EIF2AK3: variants seen among roughly 807,000 people sequenced by gnomAD.
EIF2AK3 encodes the protein eukaryotic translation initiation factor 2 alpha kinase 3.
A neutral mutation model predicts 113.5 loss-of-function variants in EIF2AK3; 50 were observed. The ratio of observed to expected loss-of-function variants is 0.44; its 90% CI spans 0.35 to 0.56. The LOEUF (loss-of-function observed/expected upper bound fraction) is 0.56. Among genes scored for constraint, EIF2AK3 ranks in the 20% least tolerant of loss-of-function variants. The pLI is 0.00. For missense variants in EIF2AK3, 1,185 were observed against 1,378.0 expected (o/e 0.86, Z 2.22); for synonymous variants, 448 against 495.4 (o/e 0.90, Z 1.27).
chr2:88,566,586 G>T (rs974853854), intron 14 of EIF2AK3, among the ~76,000 whole-genome samples: 3 of 152,086 alleles, frequency 2.0e-5, no homozygotes, highest in African/African-American at 7.2e-5. Context: ...GTAAACGTGT[G>T]CCATGGTGGT....
At chr2:88,617,222 C>G (rs1316730360) in intron 1 of EIF2AK3, among the ~76,000 whole-genome samples, 1 of 152,088 alleles carries the variant, frequency 6.6e-6, no homozygotes, top group Non-Finnish European at 1.5e-5. Flanking sequence ...TTCACAAGAG[C>G]AAAGACACGG....
chr2:88,604,271 G>A (rs1006535137), intron 2 of EIF2AK3, among the ~76,000 whole-genome samples: 1 of 152,024 alleles, frequency 6.6e-6, no homozygotes, highest in East Asian at 1.9e-4. Context: ...GGCTCATTTC[G>A]GCTGCTCTCT....
In EIF2AK3 at chr2:88,610,113, C is replaced by A. The variant is rs534116833; in HGVS notation, c.438+3611G>T. ...CTCCAGCCTGGGCAACAGAGTGAGA[C>A]CCTGTCTCTAAAAGACAAAAAACAA... On this transcript the variant is annotated intron_variant, in intron 2 of 16. Coordinates refer to ENST00000303236, the MANE Select transcript of EIF2AK3 (RefSeq NM_004836.7). Among the ~76,000 whole-genome samples the A allele has an allele frequency of 3.2e-4, 48 of 152,224 alleles. 1 individual carries two copies. The highest frequency in any genetic ancestry group is 1.2e-3 in the African/African-American group (48 of 41,534).
At chr2:88,575,497 A>C (rs754216989) in intron 12 of EIF2AK3, 51 bp from the exon 13 acceptor site, 3 of 1,587,402 alleles carry the variant, frequency 1.9e-6, no homozygotes, top group Non-Finnish European at 1.7e-6. Context: ...TATTGATTCA[A>C]GTACCTGAAC....
At chr2:88,589,238 C>T (rs563587864) in intron 6 of EIF2AK3, among the ~76,000 whole-genome samples, 41 of 152,258 alleles carry the variant, frequency 2.7e-4, no homozygotes, top group African/African-American at 9.4e-4. Flanking sequence ...AGAAAGTTTA[C>T]CTAAACACCT....
chr2:88,613,643 A>C, intron 2 of EIF2AK3, 81 bp downstream of exon 2: 144 of 1,416,574 alleles, frequency 1.0e-4, no homozygotes, highest in Non-Finnish European at 1.3e-4. Context: ...AACCTGGGCA[A>C]TAGGGCCCCA....
At chr2:88,619,084 G>A (rs1283804751) in intron 1 of EIF2AK3, among the ~76,000 whole-genome samples, 1 of 151,482 alleles carries the variant, frequency 6.6e-6, no homozygotes, top group African/African-American at 2.4e-5. Flanking sequence ...CCGCCTCCCA[G>A]GTTCAAGCGA....
chr2:88,615,704 C>A (rs1675550395), intron 1 of EIF2AK3, among the ~76,000 whole-genome samples: 2 of 152,208 alleles, frequency 1.3e-5, no homozygotes, highest in South Asian at 4.1e-4. Flanking sequence ...AACTTAAAAA[C>A]CAAACCAGAT....
In EIF2AK3 at chr2:88,557,396, T is replaced by C. The variant is rs1376568962; in HGVS notation, c.*340A>G. 3.8e-6 allele frequency: 1 copy of C among 260,376 alleles called. No homozygotes were observed. The highest frequency in any genetic ancestry group is 7.5e-6 in the Non-Finnish European group (1 of 133,174). The allele number at this position is 260,376 out of a possible 1,614,324, so 16.1% of individuals were successfully genotyped here. Reference sequence around the variant, plus strand: ...CAGGGGGACTTTCCTTCTTCTGCATTATAAAAATATATCCATTTTAGTTCT... The same window carrying C: ...CAGGGGGACTTTCCTTCTTCTGCATCATAAAAATATATCCATTTTAGTTCT... On this transcript the variant is annotated 3_prime_UTR_variant, in exon 17 of 17. Transcript: ENST00000303236.
At chr2:88,567,913 G>T (rs1173484381) in intron 14 of EIF2AK3, among the ~76,000 whole-genome samples, 1 of 151,256 alleles carries the variant, frequency 6.6e-6, no homozygotes, top group Non-Finnish European at 1.5e-5. Flanking sequence ...TCTGCATTTT[G>T]TTTTTTTTCA....
chr2:88,561,855 C>T (rs985061414), intron 15 of EIF2AK3, among the ~76,000 whole-genome samples: 1 of 151,756 alleles, frequency 6.6e-6, no homozygotes, highest in Non-Finnish European at 1.5e-5. Flanking sequence ...CAAGACCTTG[C>T]CTTGAGAAAA....
chr2:88,571,018 C>T lies in EIF2AK3; in HGVS notation c.2841G>A (p.Met947Ile), dbSNP rs577767738. The T allele has an allele frequency of 4.3e-6, 7 of 1,614,108 alleles. No individual in the cohort carries two copies. In the South Asian group the frequency reaches 5.5e-5, roughly 13 times the overall value. ...DLKPSNIFFTMDDVVKVGDFG... is the reference protein window; with the variant it reads ...DLKPSNIFFTIDDVVKVGDFG... ...AGTCTCCAACCTTGACCACATCATC[C>T]ATTGTAAAGAATATGTTGGATGGCT... Residue 947 changes from methionine (M) to isoleucine (I), a missense_variant, in exon 14 of 17, where the codon ATG becomes ATA. By Grantham distance (10) the Met-to-Ile change is conservative. Transcript: ENST00000303236.
intron 2 of EIF2AK3, among the ~76,000 whole-genome samples, chr2:88,604,575 C>T (rs1447264051): frequency 1.3e-5 from 2 of 152,174 alleles, no homozygotes; most frequent in Non-Finnish European, 2.9e-5. Flanking sequence ...TTCATATTTG[C>T]CTCCCTAGCT....
chr2:88,565,239 A>G (rs1483663255), intron 14 of EIF2AK3, among the ~76,000 whole-genome samples: 2 of 151,404 alleles, frequency 1.3e-5, no homozygotes, highest in Non-Finnish European at 2.9e-5. Context: ...TTTCACCATG[A>G]TGGCCAGGCT....
intron 1 of EIF2AK3, among the ~76,000 whole-genome samples, chr2:88,620,217 A>G (rs1675688001): frequency 6.6e-6 from 1 of 151,982 alleles, no homozygotes; most frequent in Admixed American, 6.6e-5. Flanking sequence ...GTTTCGGTGT[A>G]CTTTCCTAAT....
chr2:88,590,357 G>A (rs1674850828), intron 6 of EIF2AK3, 86 bp downstream of exon 6: 2 of 1,380,778 alleles, frequency 1.4e-6, no homozygotes, highest in Non-Finnish European at 2.1e-6. Flanking sequence ...AACTACTACA[G>A]GCACTCCTGA....
In EIF2AK3 at chr2:88,626,926, C is replaced by T. The variant is rs1043746850; in HGVS notation, c.308+41G>A. On this transcript the variant is annotated intron_variant, in intron 1 of 16. Transcript: ENST00000303236. ...TACACCGCATCCTCCGCGGCTCGCG[C>T]GCGTAAACAAGTTGCCTCCCCCGGG... The T allele has an allele frequency of 2.5e-6, 4 of 1,602,848 alleles. No homozygotes were observed. The South Asian group carries it at 3.3e-5, about 13-fold the overall frequency.
chr2:88,602,468 A>T (rs1023280351), intron 2 of EIF2AK3, among the ~76,000 whole-genome samples: 3 of 152,110 alleles, frequency 2.0e-5, no homozygotes, highest in Non-Finnish European at 4.4e-5. Context: ...CAAGATGCAG[A>T]CTCACTGAAT....
At chr2:88,593,784 G>C in intron 3 of EIF2AK3, 2 of 490,094 alleles carry the variant, frequency 4.1e-6, no homozygotes, top group Non-Finnish European at 5.4e-6. Context: ...TAACAAAAGT[G>C]TTTGGTTTTT....
Sources: gnomAD v4.1 joint callset for allele counts (sites outside exome capture counted in the v4.1 genomes callset) on GRCh38, gnomAD v4.1.1 for gene constraint, MANE v1.5 for transcripts, NCBI Gene and HGNC (gene_info 2026-07-23, HGNC 2026-07-21) for gene names.